The following TTI1 variants were observed in gnomAD, a reference collection of about 807,000 sequenced individuals.
The protein encoded by TTI1 is TELO2 interacting protein 1.
Under a neutral mutation model 85.4 loss-of-function variants are expected in TTI1, and 52 were observed. That is an observed-to-expected ratio of 0.61 (90% CI 0.49 to 0.77). The LOEUF (loss-of-function observed/expected upper bound fraction) is 0.77. TTI1 is among the 30% of genes least tolerant of loss of function. The pLI is 0.00. For missense variants in TTI1, 1,173 were observed against 1,296.0 expected (o/e 0.91, Z 1.46); for synonymous variants, 512 against 503.9 (o/e 1.02, Z -0.22).
intron 2 of TTI1, among the ~76,000 whole-genome samples, chr20:38,006,918 A>G (rs1443642751): frequency 6.6e-6 from 1 of 152,238 alleles, no homozygotes; most frequent in Non-Finnish European, 1.5e-5. Context: ...TGTGGGTTCC[A>G]GCATCTCTAT....
At chr20:37,994,462 G>T (rs2073310496) in intron 7 of TTI1, among the ~76,000 whole-genome samples, 1 of 150,750 alleles carries the variant, frequency 6.6e-6, no homozygotes, top group African/African-American at 2.4e-5. Flanking sequence ...TCCATACTAA[G>T]TGGCCCACCC....
At chr20:38,020,691 C>A (rs2073758362) in intron 1 of TTI1, among the ~76,000 whole-genome samples, 1 of 151,726 alleles carries the variant, frequency 6.6e-6, no homozygotes, top group Non-Finnish European at 1.5e-5. Context: ...TGAAAAAGGA[C>A]CTGAATAGAC....
intron 7 of TTI1, chr20:37,987,035 G>A (rs2073199185): frequency 2.6e-6 from 1 of 381,748 alleles, no homozygotes; most frequent in South Asian, 1.9e-5. Flanking sequence ...CCAGATGGCT[G>A]GCAAGTGTAG....
At chr20:38,028,829 G>A (rs770514926) in intron 1 of TTI1, among the ~76,000 whole-genome samples, 3 of 152,188 alleles carry the variant, frequency 2.0e-5, no homozygotes, top group Middle Eastern at 3.4e-3. Flanking sequence ...CCACCTCAGC[G>A]TTCTGAGTGG....
chr20:38,014,469 C>T (rs558490699), intron 1 of TTI1, among the ~76,000 whole-genome samples: 1 of 152,260 alleles, frequency 6.6e-6, no homozygotes, highest in South Asian at 2.1e-4. Flanking sequence ...TTGCCTGTTC[C>T]TGTCATTAAG....
In TTI1 at chr20:38,011,844, T is replaced by C; in HGVS notation, c.1973A>G (p.Glu658Gly). 6.2e-7 allele frequency: 1 copy of C among 1,614,220 alleles called. No homozygotes were observed. Among genetic ancestry groups the C allele is most frequent in the Non-Finnish European group, 8.5e-7 (1 of 1,180,038 alleles). Residue 658 changes from glutamate to glycine, a missense_variant, in exon 2 of 8, where the codon GAG (glutamate) becomes GGG (glycine). Coordinates refer to ENST00000373447, the MANE Select transcript of TTI1 (RefSeq NM_001303457.2). ...GAGTAGGGTTTGGTCTCCAGCCTTC[T>C]CCAGTACTGGATAAAGGGCTGACAT... Reference protein sequence around the residue: ...LLMSALYPVLEKAGDQTLLIS... With the variant: ...LLMSALYPVLGKAGDQTLLIS...
Position 38,012,202 on chromosome 20 carries a change from C to T in TTI1, c.1615G>A (p.Glu539Lys), listed in dbSNP as rs368698126. 10 of 1,614,086 alleles carry T rather than the reference C, an allele frequency of 6.2e-6. No homozygotes were observed. The highest frequency in any genetic ancestry group is 1.3e-5 in the African/African-American group (1 of 74,918). The change falls in exon 2 of 8, where the codon GAG becomes AAG. Residue 539 changes from glutamate to lysine, a missense_variant. Coordinates refer to ENST00000373447, the MANE Select transcript of TTI1 (RefSeq NM_001303457.2). ...LVTGAAGLEV[E>K]DLHEKHIKTN... is the part of the protein sequence containing the mutation. The stretch of plus-strand genomic sequence containing the variant: ...TTAATATGTTTTTCGTGAAGATCCT[C>T]AACCTCCAGCCCAGCAGCCCCTGTA...
chr20:38,011,898 G>A lies in TTI1; in HGVS notation c.1919C>T (p.Ala640Val), dbSNP rs755766008. ...GAGCAAACAGAAGTCTTTTCCTAGT[G>A]CATATGCAAACTGGCCAATTCCTTC... ...QLEGIGQFAY[A>V]LGKDFCLLLM... The change falls in exon 2 of 8, where the codon GCA becomes GTA. Residue 640 changes from alanine to valine, a missense_variant. Physicochemically the swap from Ala to Val is moderately conservative, Grantham distance 64. Transcript: ENST00000373447. The A allele has an allele frequency of 6.2e-7, 1 of 1,614,234 alleles. No individual in the cohort carries two copies.
chr20:38,017,312 C>A (rs886362715), intron 1 of TTI1, among the ~76,000 whole-genome samples: 2 of 152,002 alleles, frequency 1.3e-5, no homozygotes, highest in African/African-American at 4.8e-5. Flanking sequence ...TTACAAAAAT[C>A]ATTTCTTAAA....
chr20:37,989,209 T>C (rs963059038), intron 7 of TTI1, among the ~76,000 whole-genome samples: 17 of 152,226 alleles, frequency 1.1e-4, no homozygotes, highest in African/African-American at 3.9e-4. Flanking sequence ...CAGCTATACA[T>C]GCTCGTTTGA....
chr20:38,021,477 CA>C (rs2073770667), intron 1 of TTI1, among the ~76,000 whole-genome samples: 1 of 152,180 alleles, frequency 6.6e-6, no homozygotes, highest in Admixed American at 6.5e-5. Context: ...CCAACAGCAA[CA>C]GGGGCATTCT....
In TTI1 at chr20:37,987,192, C is replaced by T. The variant is rs1314802251; in HGVS notation, c.3087-3553G>A. The T allele has an allele frequency of 6.6e-6, 3 of 456,624 alleles. No individual in the cohort carries two copies. The Admixed American group carries it at 7.0e-5, about 11-fold the overall frequency. 28.3% of individuals were successfully genotyped at this position (456,624 alleles called of 1,614,324 possible). On this transcript the variant is annotated intron_variant, in intron 7 of 7. Transcript: ENST00000373447. ...GAGTCCTTAGCGCCAGGCTTTGTTC[C>T]AAACTCTGGTGTCACTTTGTCCTGG...
intron 1 of TTI1, among the ~76,000 whole-genome samples, chr20:38,023,296 C>T (rs1600653641): frequency 6.6e-6 from 1 of 152,200 alleles, no homozygotes; most frequent in African/African-American, 2.4e-5. Flanking sequence ...GGTTCCCAAC[C>T]TGGCTGTTTA....
Position 38,006,018 on chromosome 20 carries a change from A to T in TTI1, c.2503+179T>A, listed in dbSNP as rs963453490. The T allele has an allele frequency of 8.0e-6, 6 of 747,454 alleles. No homozygotes were observed. The Admixed American group carries it at 1.8e-4, about 22-fold the overall frequency. 46.3% of individuals were successfully genotyped at this position (747,454 alleles called of 1,614,324 possible). A position where few individuals can be genotyped will look rare whatever the true frequency, so the allele number is the denominator to read the frequency against. ...TACACAGCTGCAACCACGGAAAAACAGTTTTGTAACAGAAAAGAATGGAAA... is the reference window on the plus strand; with the variant it reads ...TACACAGCTGCAACCACGGAAAAACTGTTTTGTAACAGAAAAGAATGGAAA... On this transcript the variant is annotated intron_variant, in intron 3 of 7. Transcript: ENST00000373447.
chr20:38,027,309 C>T lies in TTI1; in HGVS notation c.-42+6095G>A, dbSNP rs141821430. Among the ~76,000 whole-genome samples the T allele has an allele frequency of 6.9e-3, 1,055 of 152,216 alleles. 5 individuals carry two copies. Among genetic ancestry groups the T allele is most frequent in the African/African-American group, 0.02 (838 of 41,542 alleles). ...GATTATTACAACACCTAACACAATG[C>T]AAATGTTATGTAAACAGTTGTTACA... On this transcript the variant is annotated intron_variant, in intron 1 of 7. Transcript: ENST00000373447.
chr20:38,027,513 C>T (rs2073851491), intron 1 of TTI1, among the ~76,000 whole-genome samples: 1 of 152,188 alleles, frequency 6.6e-6, no homozygotes, highest in Non-Finnish European at 1.5e-5. Context: ...TGACAGCCTA[C>T]TGTTGACTGG....
At chr20:38,032,775 C>T (rs1295062948) in intron 1 of TTI1, among the ~76,000 whole-genome samples, 1 of 152,158 alleles carries the variant, frequency 6.6e-6, no homozygotes, top group Non-Finnish European at 1.5e-5. Context: ...GAACTCCAGT[C>T]CTCAAGCTAT....
chr20:38,025,216 C>A (rs1457206451), intron 1 of TTI1, among the ~76,000 whole-genome samples: 1 of 152,082 alleles, frequency 6.6e-6, no homozygotes, highest in African/African-American at 2.4e-5. Flanking sequence ...ACAGAAATGT[C>A]CGAATCTCAA....
At chr20:38,003,752 CAAAAA>C (rs61171915) in intron 3 of TTI1, among the ~76,000 whole-genome samples, 1 of 118,810 alleles carries the variant, frequency 8.4e-6, no homozygotes, top group Admixed American at 8.5e-5. Flanking sequence ...AACTCTGTCT[CAAAAA>C]AAAAAAAAAA....
Sources: allele counts gnomAD v4.1 joint callset (sites outside exome capture counted in the v4.1 genomes callset), GRCh38; gene constraint gnomAD v4.1.1; transcripts MANE v1.5; gene names NCBI Gene and HGNC (gene_info 2026-07-23, HGNC 2026-07-21).